The following EPHA1 variants were observed in gnomAD, a reference collection of about 807,000 sequenced individuals.
EPHA1 encodes ephrin type-A receptor 1.
Under a neutral mutation model 110.1 loss-of-function variants are expected in EPHA1, and 92 were observed. That is an observed-to-expected ratio of 0.84 (90% CI 0.71 to 0.99). The LOEUF (loss-of-function observed/expected upper bound fraction) is 0.99, where lower values mean the gene tolerates loss of function less well. EPHA1 is among the 50% of genes least tolerant of loss of function. EPHA1 has a pLI of 0.00. For synonymous variants in EPHA1, 500 were observed against 516.1 expected (o/e 0.97, Z 0.42); for missense variants, 1,204 against 1,285.4 (o/e 0.94, Z 0.97).
chr7:143,396,583 G>T, intron 10 of EPHA1, 73 bp from the exon 11 acceptor site: 1 of 1,561,104 alleles, frequency 6.4e-7, no homozygotes, highest in Non-Finnish European at 8.8e-7. Flanking sequence ...AGAAGGGCCA[G>T]CAGCGGACCA....
Position 143,401,469 on chromosome 7 carries a change from T to C in EPHA1, c.287A>G (p.His96Arg). Residue 96 changes from histidine (H) to arginine (R), a missense_variant, in exon 3 of 18, where the codon CAC becomes CGC. Physicochemically the swap from His to Arg is conservative, Grantham distance 29. Coordinates refer to ENST00000275815, the MANE Select transcript of EPHA1 (RefSeq NM_005232.5). The surrounding 1 kb of genome is among the most constrained non-coding windows in gnomAD (Gnocchi z 4.1). ...IYRGEEASRV[H>R]VELQFTVRDC... ...CCGCACGGTGAACTGCAGCTCCACG[T>C]GGACGCGGGAAGCCTCCTCCCCGCG... 6.2e-7 allele frequency: 1 copy of C among 1,614,060 alleles called. No homozygotes were observed. Among genetic ancestry groups the C allele is most frequent in the Non-Finnish European group, 8.5e-7 (1 of 1,180,030 alleles).
chr7:143,405,436 CGTGT>C (rs71523910), intron 2 of EPHA1, among the ~76,000 whole-genome samples: 29,082 of 149,444 alleles, frequency 0.19, 3,731 homozygotes, highest in East Asian at 0.65. Context: ...TGCATGTGTG[CGTGT>C]GTGTGTGTGT....
In EPHA1 at chr7:143,398,415, T is replaced by A. The variant is rs748879034; in HGVS notation, c.1370A>T (p.Lys457Met). The change falls in exon 7 of 18, where the codon AAG (lysine) becomes ATG (methionine). Residue 457 changes from lysine to methionine, a missense_variant. Physicochemically the swap from Lys to Met is moderately conservative, Grantham distance 95 (BLOSUM62 -1). Transcript: ENST00000275815. Reference protein sequence around the residue: ...SLSGLSLRLVKKEPRQLELTW... With the variant: ...SLSGLSLRLVMKEPRQLELTW... ...CAGCTCTAGTTGCCTCGGTTCTTTCTTCACCAGTCTCAGAGACAGGCCTGA... is the reference window on the plus strand; with the variant it reads ...CAGCTCTAGTTGCCTCGGTTCTTTCATCACCAGTCTCAGAGACAGGCCTGA... The A allele has an allele frequency of 1.9e-6, 3 of 1,614,028 alleles. No individual in the cohort carries two copies. The South Asian group carries it at 3.3e-5, about 18-fold the overall frequency.
intron 3 of EPHA1, 29 bp from the exon 4 acceptor site, chr7:143,400,082 G>A: frequency 6.4e-7 from 1 of 1,562,700 alleles, no homozygotes. Context: ...AGAAAGGGGA[G>A]CAATGGCAAA....
Position 143,391,398 on chromosome 7 carries a change from C to G in EPHA1, c.*59G>C, listed in dbSNP as rs1805074040. The stretch of plus-strand genomic sequence containing the variant: ...AAGGGGCGCAGGGAGTGACCATGAG[C>G]GACCTTGGCCCCGTCCTTGCTCCTT... On this transcript the variant is annotated 3_prime_UTR_variant, in exon 18 of 18. Transcript: ENST00000275815. The G allele has an allele frequency of 1.9e-6, 3 of 1,595,980 alleles. No homozygotes were observed. Among genetic ancestry groups the G allele is most frequent in the East Asian group, 4.5e-5 (2 of 44,156 alleles).
chr7:143,407,493 C>G, intron 2 of EPHA1, 118 bp downstream of exon 2: 1 of 1,019,164 alleles, frequency 9.8e-7, no homozygotes, highest in Non-Finnish European at 1.5e-6. Flanking sequence ...CTCCCCCTCC[C>G]TGAGGAGACA....
chr7:143,408,618 G>T (rs1440418966), intron 1 of EPHA1, 106 bp downstream of exon 1: 2 of 251,656 alleles, frequency 7.9e-6, no homozygotes, highest in Non-Finnish European at 1.3e-5. Context: ...CGAGGGTCTC[G>T]GGGAACATGG....
chr7:143,395,684 G>A lies in EPHA1; in HGVS notation c.1898-180C>T, dbSNP rs1805224481. 2 of 642,702 alleles carry A rather than the reference G, an allele frequency of 3.1e-6. No homozygotes were observed. The highest frequency in any genetic ancestry group is 2.0e-5 in the South Asian group (1 of 50,742). The allele number at this position is 642,702 out of a possible 1,614,324, so 39.8% of individuals were successfully genotyped here. The stretch of plus-strand genomic sequence containing the variant: ...GGGAAGGTCAGAGTCTGGAGCTGGA[G>A]TGCAATGCCGTGACCTATTCACCAC... On this transcript the variant is annotated intron_variant, in intron 11 of 17. Transcript: ENST00000275815. The surrounding 1 kb of genome is among the most constrained non-coding windows in gnomAD (Gnocchi z 4.7).
At position 143,395,640 on chromosome 7, in the gene EPHA1, G is replaced by A. The variant is rs759486106; in HGVS notation, c.1898-136C>T. 9 of 915,922 alleles carry A rather than the reference G, an allele frequency of 9.8e-6. No homozygotes were observed. The South Asian group carries it at 1.2e-4, about 12-fold the overall frequency. The allele number at this position is 915,922 out of a possible 1,614,324, so 56.7% of individuals were successfully genotyped here. ...CGTGGAGTGCCCTTCCTGGGACAGG[G>A]CGTGGGCTGTCCTTCCTGGGGAAGG... On this transcript the variant is annotated intron_variant, in intron 11 of 17. Coordinates refer to ENST00000275815, the MANE Select transcript of EPHA1 (RefSeq NM_005232.5). This position sits in a 1 kb window ranked among gnomAD's most constrained non-coding sequence, Gnocchi z 4.7.
intron 16 of EPHA1, among the ~76,000 whole-genome samples, chr7:143,392,957 A>C (rs1002552077): frequency 1.3e-5 from 2 of 151,914 alleles, no homozygotes; most frequent in African/African-American, 4.8e-5. Context: ...GGAAAAAAAA[A>C]CAACAACTCT....
chr7:143,397,556 G>A lies in EPHA1; in HGVS notation c.1712+5C>T. The A allele has an allele frequency of 6.2e-7, 1 of 1,613,800 alleles. No individual in the cohort carries two copies. Among genetic ancestry groups the A allele is most frequent in the South Asian group, 1.1e-5 (1 of 91,082 alleles). ...GGTGGTTGGGGAGGGGGCAGGAGCT[G>A]GCACCTGGACCGGAAAACGAGAATC... On this transcript the variant is annotated splice_donor_5th_base_variant and intron_variant, in intron 9 of 17. Coordinates refer to ENST00000275815, the MANE Select transcript of EPHA1 (RefSeq NM_005232.5).
chr7:143,393,533 A>C lies in EPHA1; in HGVS notation c.2696+138T>G. ...AAAGCTGACCTCTTGGACTCTCCCC[A>C]AGGGCACGTCTTGCCTCATACACTG... On this transcript the variant is annotated intron_variant, in intron 16 of 17. Transcript: ENST00000275815. This position sits in a 1 kb window ranked among gnomAD's most constrained non-coding sequence, Gnocchi z 5.6. 1 of 930,798 alleles carries C rather than the reference A, an allele frequency of 1.1e-6. No individual in the cohort carries two copies. 57.7% of individuals were successfully genotyped at this position (930,798 alleles called of 1,614,324 possible). A position where few individuals can be genotyped will look rare whatever the true frequency, so the allele number is the denominator to read the frequency against.
intron 16 of EPHA1, among the ~76,000 whole-genome samples, chr7:143,391,999 T>C (rs945559568): frequency 1.2e-4 from 18 of 152,310 alleles, no homozygotes; most frequent in African/African-American, 4.1e-4. Context: ...GACAGGCCTA[T>C]AGGAAGGGAC....
intron 2 of EPHA1, among the ~76,000 whole-genome samples, chr7:143,403,711 G>A (rs1805478380): frequency 6.6e-6 from 1 of 152,184 alleles, no homozygotes; most frequent in Non-Finnish European, 1.5e-5. Flanking sequence ...CATCAACACA[G>A]AATACTAATA....
rs202219923 is a variant in EPHA1, at chr7:143,391,546, G to A, written c.2853-11C>T. ...ATCTGCGTCAGGTCCCTGTGGGCAA[G>A]GAAGGGTGGGGGCATGAGTCCGGAG... is the stretch of plus-strand genomic sequence containing the variant. On this transcript the variant is annotated splice_polypyrimidine_tract_variant and intron_variant, in intron 17 of 17. Transcript: ENST00000275815. 522 of 1,614,174 alleles carry A rather than the reference G, an allele frequency of 3.2e-4. No homozygotes were observed. The highest frequency in any genetic ancestry group is 3.0e-4 in the Non-Finnish European group (355 of 1,180,012).
In EPHA1 at chr7:143,408,801, T is replaced by A; in HGVS notation, c.5A>T (p.Glu2Val). The A allele has an allele frequency of 8.6e-7, 1 of 1,166,494 alleles. No homozygotes were observed. Among genetic ancestry groups the A allele is most frequent in the Non-Finnish European group, 1.1e-6 (1 of 948,378 alleles). 72.3% of individuals were successfully genotyped at this position (1,166,494 alleles called of 1,614,324 possible). Residue 2 changes from glutamate (E) to valine (V), a missense_variant, in exon 1 of 18, where the codon GAG (glutamate) becomes GTG (valine). Physicochemically the swap from Glu to Val is moderately radical, Grantham distance 121 (BLOSUM62 -2). Transcript: ENST00000275815. M[E>V]RRWPLGLGLV... ...CCCTAGCCCCAGGGGCCAGCGCCGC[T>A]CCATAGCTCCGGGCCGGGACCTGGG...
At position 143,391,721 on chromosome 7, in the gene EPHA1, G is replaced by A. The variant is rs1279896215; in HGVS notation, c.2751C>T (p.Thr917=). The A allele has an allele frequency of 9.9e-6, 16 of 1,613,978 alleles. No homozygotes were observed. Among genetic ancestry groups the A allele is most frequent in the South Asian group, 3.3e-5 (3 of 91,084 alleles). Residue 917 remains threonine, a synonymous_variant, in exon 17 of 18, where the codon ACC becomes ACT. Coordinates refer to ENST00000275815, the MANE Select transcript of EPHA1 (RefSeq NM_005232.5). Reference sequence around the variant, plus strand: ...GTATGGACTCGAGCCACTCAGAGACGGTTCGATATGGGATCCCATCTGAGC... The same window carrying A: ...GTATGGACTCGAGCCACTCAGAGACAGTTCGATATGGGATCCCATCTGAGC... ...LSGSDGIPYR[T]VSEWLESIRM... is the part of the protein sequence containing the mutation.
Position 143,395,589 on chromosome 7 carries a change from C to T in EPHA1, c.1898-85G>A. 1 of 1,414,502 alleles carries T rather than the reference C, an allele frequency of 7.1e-7. No individual in the cohort carries two copies. Among genetic ancestry groups the T allele is most frequent in the African/African-American group, 1.4e-5 (1 of 70,320 alleles). The allele number at this position is 1,414,502 out of a possible 1,614,324, so 87.6% of individuals were successfully genotyped here. A position where few individuals can be genotyped will look rare whatever the true frequency, so the allele number is the denominator to read the frequency against. On this transcript the variant is annotated intron_variant, in intron 11 of 17. Coordinates refer to ENST00000275815, the MANE Select transcript of EPHA1 (RefSeq NM_005232.5). This position sits in a 1 kb window ranked among gnomAD's most constrained non-coding sequence, Gnocchi z 4.7. ...GCAGCAACCCCTCCAGTCCTCCGGC[C>T]CTTTTCTTTTCTGGAGAATCAGAAG...
rs1805077371 is a variant in EPHA1 at position 143,391,443 on chromosome 7, G to T, written c.*14C>A. 1 of 1,613,834 alleles carries T rather than the reference G, an allele frequency of 6.2e-7. No homozygotes were observed. The highest frequency in any genetic ancestry group is 1.3e-5 in the African/African-American group (1 of 74,904). Reference sequence around the variant, plus strand: ...CTCCTTGCACCCTGATTGGGCATGGGGTGAGAGGAGGGATCAGTCCTTGAA... The same window carrying T: ...CTCCTTGCACCCTGATTGGGCATGGTGTGAGAGGAGGGATCAGTCCTTGAA... On this transcript the variant is annotated 3_prime_UTR_variant, in exon 18 of 18. Transcript: ENST00000275815.
Sources: gnomAD v4.1 joint callset for allele counts (sites outside exome capture counted in the v4.1 genomes callset) on GRCh38, gnomAD v4.1.1 for gene constraint, Gnocchi (gnomAD v3.1) non-coding constraint, MANE v1.5 for transcripts, NCBI Gene and HGNC (gene_info 2026-07-23, HGNC 2026-07-21) for gene names.